The following DEPDC4 variants were observed in gnomAD, a reference collection of about 807,000 sequenced individuals.
DEPDC4 encodes DEP domain-containing protein 4.
Under a neutral mutation model 52.0 loss-of-function variants are expected in DEPDC4, and 52 were observed. The ratio of observed to expected loss-of-function variants is 1.00; its 90% CI spans 0.80 to 1.26. The LOEUF (loss-of-function observed/expected upper bound fraction) is 1.26. Among genes scored for constraint, DEPDC4 ranks in the 50% most tolerant of loss-of-function variants. DEPDC4 has a pLI of 0.00. For synonymous variants in DEPDC4, 201 were observed against 196.8 expected, an observed-to-expected ratio of 1.02 and a Z score of -0.18; for missense variants, 530 against 546.9, an observed-to-expected ratio of 0.97 and a Z score of 0.31.
chr12:100,271,973 G>C (rs563168343), upstream of DEPDC4, among the ~76,000 whole-genome samples: 5 of 152,108 alleles, frequency 3.3e-5, no homozygotes, highest in Non-Finnish European at 5.9e-5. Flanking sequence ...TCAGCTACCT[G>C]CTGTCAGATG....
In DEPDC4 at chr12:100,259,211, T is replaced by C. The variant is rs2153918312; in HGVS notation, c.701-2985A>G. Among the ~76,000 whole-genome samples the C allele has an allele frequency of 2.6e-5, 4 of 151,916 alleles. No homozygotes were observed. The East Asian group carries it at 7.7e-4, about 29-fold the overall frequency. ...AGATCTACAATATAACAGGCAAAGG[T>C]AATCCCCATGATCATGGTAAAGGCA... is the stretch of plus-strand genomic sequence containing the variant. On this transcript the variant is annotated intron_variant, in intron 3 of 9. Coordinates refer to ENST00000550587, the MANE Select transcript of DEPDC4 (RefSeq NM_001364818.2).
intron 8 of DEPDC4, among the ~76,000 whole-genome samples, chr12:100,244,095 GTATATATATATATATATATATATATATA>G (rs774444544): frequency 1.9e-5 from 1 of 51,626 alleles, no homozygotes; most frequent in Non-Finnish European, 3.9e-5. Flanking sequence ...CTCTCTCTGT[GTATATATATATATATATATATATATATA>G]TATATATATA....
intron 1 of DEPDC4, among the ~76,000 whole-genome samples, 158 bp downstream of exon 1, chr12:100,266,762 C>G (rs1232419061): frequency 6.6e-6 from 1 of 152,230 alleles, no homozygotes; most frequent in East Asian, 1.9e-4. Context: ...AGCCTCAGTC[C>G]TGGGTCCCCC....
chr12:100,248,617 C>A (rs1204140473), intron 8 of DEPDC4, among the ~76,000 whole-genome samples: 4 of 151,928 alleles, frequency 2.6e-5, no homozygotes, highest in Non-Finnish European at 5.9e-5. Flanking sequence ...AGCACAGGAG[C>A]AAAGAAGCAG....
At chr12:100,274,273 G>T in the DEPDC4 span, among the ~76,000 whole-genome samples, 1 of 152,148 alleles carries the variant, frequency 6.6e-6, no homozygotes, top group Non-Finnish European at 1.5e-5. Flanking sequence ...AATAACATGT[G>T]CTCCTCTTGC....
chr12:100,256,092 T>A lies in DEPDC4; in HGVS notation c.835A>T (p.Thr279Ser), dbSNP rs754882817. The change falls in exon 4 of 10, where the codon ACT becomes TCT. Residue 279 changes from threonine to serine, a missense_variant. Transcript: ENST00000550587. ...GGAATAAGTTCTCTGTCTAGGCAAG[T>A]GTTAGTGATAACAAGATCTTCCTCT... Reference protein sequence around the residue: ...NKEEDLVITNTCLDRELIPSL... With the variant: ...NKEEDLVITNSCLDRELIPSL... 4 of 1,613,206 alleles carry A rather than the reference T, an allele frequency of 2.5e-6. No individual in the cohort carries two copies. Among genetic ancestry groups the A allele is most frequent in the Non-Finnish European group, 3.4e-6 (4 of 1,179,462 alleles).
At chr12:100,235,139 A>C (rs552788044), downstream of DEPDC4, among the ~76,000 whole-genome samples, 1 of 152,094 alleles carries the variant, frequency 6.6e-6, no homozygotes, top group East Asian at 1.9e-4. Context: ...TCCATTAGAG[A>C]ATGTTGTAGG....
chr12:100,279,763 C>T, the DEPDC4 span, among the ~76,000 whole-genome samples: 1 of 152,178 alleles, frequency 6.6e-6, no homozygotes, highest in Non-Finnish European at 1.5e-5. Context: ...GATGAGATAT[C>T]AAATGATTTG....
upstream of DEPDC4, chr12:100,267,313 G>A (rs2096278794): frequency 4.1e-6 from 2 of 486,640 alleles, no homozygotes; most frequent in East Asian, 6.9e-5. Context: ...AGGCACGAAG[G>A]CAGAGCAGGA....
At chr12:100,233,916 G>A (rs2096137795) in intron 9 of DEPDC4, among the ~76,000 whole-genome samples, 1 of 152,006 alleles carries the variant, frequency 6.6e-6, no homozygotes, top group Non-Finnish European at 1.5e-5. Flanking sequence ...AATCTTTTAT[G>A]AGCTTGGGCT....
intron 7 of DEPDC4, among the ~76,000 whole-genome samples, chr12:100,251,918 T>C (rs1470948682): frequency 6.6e-6 from 1 of 152,132 alleles, no homozygotes; most frequent in Non-Finnish European, 1.5e-5. Context: ...CAGGCTGGTC[T>C]CAAACTCCTA....
chr12:100,262,837 A>G lies in DEPDC4; in HGVS notation c.555-428T>C, dbSNP rs548450686. 5.3e-5 allele frequency among the ~76,000 whole-genome samples: 8 copies of G among 152,352 alleles called. 1 individual carries two copies. The highest frequency in any genetic ancestry group is 2.1e-4 in the South Asian group (1 of 4,828). On this transcript the variant is annotated intron_variant, in intron 2 of 9. Coordinates refer to ENST00000550587, the MANE Select transcript of DEPDC4 (RefSeq NM_001364818.2). Reference sequence around the variant, plus strand: ...TAAGCAAAACAGAAAACAAAACTGTATTTGCTCTAAGGAAAACAAAATGTT... The same window carrying G: ...TAAGCAAAACAGAAAACAAAACTGTGTTTGCTCTAAGGAAAACAAAATGTT...
chr12:100,237,454 C>T (rs1196761966), downstream of DEPDC4, among the ~76,000 whole-genome samples: 5 of 152,156 alleles, frequency 3.3e-5, no homozygotes, highest in Admixed American at 3.3e-4. Flanking sequence ...GTGATCCACC[C>T]ACCTTGGCCT....
intron 8 of DEPDC4, among the ~76,000 whole-genome samples, chr12:100,247,950 C>A (rs1012159543): frequency 1.3e-5 from 2 of 152,170 alleles, no homozygotes; most frequent in Non-Finnish European, 2.9e-5. Flanking sequence ...AATCACCGAT[C>A]TTTCTAGTTC....
At chr12:100,271,687 A>G (rs1178266376), upstream of DEPDC4, among the ~76,000 whole-genome samples, 2 of 152,226 alleles carry the variant, frequency 1.3e-5, no homozygotes, top group African/African-American at 4.8e-5. Context: ...TCATTGCCAG[A>G]TGTAATTACG....
upstream of DEPDC4, among the ~76,000 whole-genome samples, chr12:100,268,249 A>T (rs1248248168): frequency 2.0e-5 from 3 of 152,184 alleles, no homozygotes; most frequent in East Asian, 5.8e-4. Flanking sequence ...GGATACTATG[A>T]GTGAGTTTTC....
chr12:100,281,019 G>GTTTA, the DEPDC4 span, among the ~76,000 whole-genome samples: 1 of 50,466 alleles, frequency 2.0e-5, no homozygotes, highest in Non-Finnish European at 4.1e-5. Flanking sequence ...TACCATCAGT[G>GTTTA]TTTTTTTTTT....
the DEPDC4 span, among the ~76,000 whole-genome samples, chr12:100,277,386 C>G: frequency 1.3e-5 from 2 of 152,196 alleles, no homozygotes; most frequent in Non-Finnish European, 2.9e-5. Context: ...ATGAATTTGT[C>G]TATTTCTTCT....
At chr12:100,252,340 TAGAGGAAAAAAATAGCAAAAAAAA>T (rs2096211308) in intron 6 of DEPDC4, 30 bp downstream of exon 6, 18 of 1,504,746 alleles carry the variant, frequency 1.2e-5, no homozygotes, top group Non-Finnish European at 1.3e-5. Context: ...AAATGGTTTT[TAGAGGAAAAAAATAGCAAAAAAAA>T]ATGGCAAAAC....
Sources: gnomAD v4.1 joint callset for allele counts (sites outside exome capture counted in the v4.1 genomes callset) on GRCh38, gnomAD v4.1.1 for gene constraint, MANE v1.5 for transcripts, NCBI Gene and HGNC (gene_info 2026-07-23, HGNC 2026-07-21) for gene names.